TRIP12: variants seen among roughly 807,000 people sequenced by gnomAD.
The protein encoded by TRIP12 is thyroid hormone receptor interactor 12.
Under a neutral mutation model 244.2 loss-of-function variants are expected in TRIP12, and 25 were observed. The ratio of observed to expected loss-of-function variants is 0.10; its 90% CI spans 0.07 to 0.14. The LOEUF (loss-of-function observed/expected upper bound fraction) is 0.14, where lower values mean the gene tolerates loss of function less well. Ranked by LOEUF, TRIP12 falls within the 10% of genes least tolerant of loss-of-function variation. TRIP12 has a pLI of 1.00. For synonymous variants in TRIP12, 905 were observed against 873.1 expected (o/e 1.04, Z -0.64); for missense variants, 1,677 against 2,486.4 (o/e 0.67, Z 6.92).
chr2:229,776,568 A>G (rs2036317297), intron 37 of TRIP12, among the ~76,000 whole-genome samples: 1 of 152,164 alleles, frequency 6.6e-6, no homozygotes, highest in Non-Finnish European at 1.5e-5. Context: ...GATCCTCTCC[A>G]ACTCATCAGG....
In TRIP12 at chr2:229,815,154, G is replaced by A; in HGVS notation, c.1676C>T (p.Ala559Val). ...ACRALTYMME[A>V]LPRSSAVVVD... ...TACAACAGCAGAAGATCGAGGAAGTGCTTCCATCATGTATGTTAAGGCTCG... is the reference window on the plus strand; with the variant it reads ...TACAACAGCAGAAGATCGAGGAAGTACTTCCATCATGTATGTTAAGGCTCG... The change falls in exon 11 of 42, where the codon GCA becomes GTA. Residue 559 changes from alanine (A) to valine (V), a missense_variant. Ala to Val is a moderately conservative substitution (Grantham distance 64, BLOSUM62 0). Transcript: ENST00000675903. 2 of 1,613,126 alleles carry A rather than the reference G, an allele frequency of 1.2e-6. No homozygotes were observed. Among genetic ancestry groups the A allele is most frequent in the Non-Finnish European group, 1.7e-6 (2 of 1,179,624 alleles).
intron 25 of TRIP12, 36 bp from the exon 26 acceptor site, chr2:229,795,366 C>G (rs2042553871): frequency 6.4e-7 from 1 of 1,567,780 alleles, no homozygotes; most frequent in Non-Finnish European, 8.6e-7. Context: ...TTAAACAAAG[C>G]CTTTTCAAAA....
chr2:229,766,933 A>C lies in TRIP12; in HGVS notation c.*621T>G, dbSNP rs2031946065. On this transcript the variant is annotated 3_prime_UTR_variant, in exon 42 of 42. Transcript: ENST00000675903. ...ATAAATTTCAATCCAATGAATTTTA[A>C]ATTAGATCTTAACTGGAGAGAACAT... is the stretch of plus-strand genomic sequence containing the variant. 6.6e-6 allele frequency: 1 copy of C among 152,230 alleles called. No individual in the cohort carries two copies. Among genetic ancestry groups the C allele is most frequent in the African/African-American group, 2.4e-5 (1 of 41,468 alleles). The allele number at this position is 152,230 out of a possible 1,614,324, so 9.4% of individuals were successfully genotyped here. A position where few individuals can be genotyped will look rare whatever the true frequency, so the allele number is the denominator to read the frequency against.
chr2:229,889,206 A>G (rs1183297114), intron 1 of TRIP12, among the ~76,000 whole-genome samples: 1 of 152,226 alleles, frequency 6.6e-6, no homozygotes, highest in Non-Finnish European at 1.5e-5. Context: ...TACGTGCCTA[A>G]CTTGTTGAAT....
rs148440574 is a variant in TRIP12 at position 229,858,962 on chromosome 2, C to T, written c.837G>A (p.Ala279=). The part of the protein sequence containing the change: ...DQNKARRSRS[A]SSPSPRRSSR... Reference sequence around the variant, plus strand: ...TACTTCTTCTGGGGCTGGGACTGGACGCTGAACGGGAACGCCTGGCCTTGT... The same window carrying T: ...TACTTCTTCTGGGGCTGGGACTGGATGCTGAACGGGAACGCCTGGCCTTGT... Residue 279 remains alanine, a synonymous_variant, in exon 4 of 42, where the codon GCG becomes GCA. Transcript: ENST00000675903. 61 of 1,614,068 alleles carry T rather than the reference C, an allele frequency of 3.8e-5. No individual in the cohort carries two copies. In the East Asian group the frequency reaches 8.5e-4, roughly 22 times the overall value.
At chr2:229,905,232 C>T (rs2072385733) in intron 1 of TRIP12, among the ~76,000 whole-genome samples, 1 of 151,334 alleles carries the variant, frequency 6.6e-6, no homozygotes, top group Non-Finnish European at 1.5e-5. Flanking sequence ...CGAGATCGCG[C>T]CATTGCACTC....
chr2:229,813,447 T>C (rs557215293), intron 13 of TRIP12, among the ~76,000 whole-genome samples: 49 of 152,250 alleles, frequency 3.2e-4, no homozygotes, highest in African/African-American at 1.2e-3. Context: ...ACATTTTCGA[T>C]TATATATGCA....
At chr2:229,910,999 G>A (rs892532849) in intron 1 of TRIP12, among the ~76,000 whole-genome samples, 2 of 152,224 alleles carry the variant, frequency 1.3e-5, no homozygotes, top group Non-Finnish European at 2.9e-5. Flanking sequence ...TGGAAGGGTA[G>A]AGAGCAGGGT....
intron 2 of TRIP12, among the ~76,000 whole-genome samples, chr2:229,871,023 T>C (rs1029878534): frequency 6.6e-6 from 1 of 152,026 alleles, no homozygotes; most frequent in Non-Finnish European, 1.5e-5. Flanking sequence ...GCAGGCATGG[T>C]GGTGCACACC....
At position 229,866,531 on chromosome 2, in the gene TRIP12, G is replaced by A. The variant is rs1351834622; in HGVS notation, c.99-6000C>T. Among the ~76,000 whole-genome samples the A allele has an allele frequency of 2.0e-5, 3 of 152,020 alleles. No homozygotes were observed. In the East Asian group the frequency reaches 5.8e-4, roughly 29 times the overall value. The stretch of plus-strand genomic sequence containing the variant: ...AGGTATTTTATTTCTTCATTTATTT[G>A]AAGATATTAAAAGAGCATAATAAAA... On this transcript the variant is annotated intron_variant, in intron 2 of 41. Coordinates refer to ENST00000675903, the MANE Select transcript of TRIP12 (RefSeq NM_001348323.3).
At chr2:229,877,499 C>T (rs544251966) in intron 2 of TRIP12, among the ~76,000 whole-genome samples, 15 of 152,274 alleles carry the variant, frequency 9.9e-5, no homozygotes, top group Admixed American at 3.3e-4. Flanking sequence ...CAGCACTGCA[C>T]TCCGGCCTGA....
intron 39 of TRIP12, among the ~76,000 whole-genome samples, chr2:229,770,007 G>C (rs2033615079): frequency 6.6e-6 from 1 of 152,168 alleles, no homozygotes; most frequent in Admixed American, 6.5e-5. Context: ...GCTTTGCTCT[G>C]TTGCCCAGGC....
chr2:229,900,367 C>T (rs756485527), intron 1 of TRIP12, among the ~76,000 whole-genome samples: 17 of 152,066 alleles, frequency 1.1e-4, no homozygotes, highest in South Asian at 6.2e-4. Flanking sequence ...TTCTAGTTAA[C>T]GAGATGTTTA....
intron 27 of TRIP12, among the ~76,000 whole-genome samples, chr2:229,792,455 G>T (rs2041777042): frequency 6.6e-6 from 1 of 152,118 alleles, no homozygotes; most frequent in Non-Finnish European, 1.5e-5. Context: ...ATCTAAATAT[G>T]CAATTCATTT....
At chr2:229,920,622 TA>T (rs2076327201) in intron 1 of TRIP12, among the ~76,000 whole-genome samples, 1 of 152,192 alleles carries the variant, frequency 6.6e-6, no homozygotes, top group Non-Finnish European at 1.5e-5. Context: ...ACATTTGTCT[TA>T]AGGGTTTGGA....
At chr2:229,838,186 C>A (rs2055341533) in intron 5 of TRIP12, among the ~76,000 whole-genome samples, 1 of 152,202 alleles carries the variant, frequency 6.6e-6, no homozygotes, top group South Asian at 2.1e-4. Flanking sequence ...AGCTTCCCTA[C>A]ACAGAAATTT....
At chr2:229,803,870 C>A in intron 19 of TRIP12, 129 bp downstream of exon 19, 2 of 902,456 alleles carry the variant, frequency 2.2e-6, no homozygotes, top group South Asian at 3.8e-5. Context: ...TATAAATAGA[C>A]AAAAAAGAGC....
intron 6 of TRIP12, among the ~76,000 whole-genome samples, chr2:229,833,627 T>C (rs1319272431): frequency 6.6e-6 from 1 of 152,094 alleles, no homozygotes; most frequent in Non-Finnish European, 1.5e-5. Flanking sequence ...TTGACAGAAA[T>C]TGGAAACTAA....
At position 229,776,281 on chromosome 2, in the gene TRIP12, G is replaced by A. The variant is rs577824043; in HGVS notation, c.5529+1034C>T. 2.0e-5 allele frequency among the ~76,000 whole-genome samples: 3 copies of A among 151,630 alleles called. No individual in the cohort carries two copies. The East Asian group carries it at 5.8e-4, about 29-fold the overall frequency. On this transcript the variant is annotated intron_variant, in intron 37 of 41. Coordinates refer to ENST00000675903, the MANE Select transcript of TRIP12 (RefSeq NM_001348323.3). ...TTGCTTTTTTGTTTCTCCTTTTTTT[G>A]TTTTTCCATTATTTACCTAAGAGAT...
Sources: gnomAD v4.1 joint callset for allele counts (sites outside exome capture counted in the v4.1 genomes callset) on GRCh38, gnomAD v4.1.1 for gene constraint, MANE v1.5 for transcripts, NCBI Gene and HGNC (gene_info 2026-07-23, HGNC 2026-07-21) for gene names.